RASSF8: variants seen among roughly 807,000 people sequenced by gnomAD.
RASSF8 encodes the protein Ras association domain family member 8.
In RASSF8, 22 loss-of-function variants were observed where a neutral mutation model predicts 48.5. That is an observed-to-expected ratio of 0.45 (90% CI 0.32 to 0.65). RASSF8 has a LOEUF of 0.65. RASSF8 is among the 30% of genes least tolerant of loss of function. The pLI is 0.03. For synonymous variants in RASSF8, 127 were observed against 171.5 expected, an observed-to-expected ratio of 0.74 and a Z score of 2.03; for missense variants, 418 against 489.2, an observed-to-expected ratio of 0.85 and a Z score of 1.37.
intron 2 of RASSF8, among the ~76,000 whole-genome samples, chr12:26,026,662 T>C (rs2137088446): frequency 6.6e-6 from 1 of 152,220 alleles, no homozygotes; most frequent in African/African-American, 2.4e-5. Flanking sequence ...TCTTGAACTC[T>C]TGACCTCAAG....
intron 1 of RASSF8, among the ~76,000 whole-genome samples, chr12:25,989,386 C>T (rs1312010975): frequency 1.3e-5 from 2 of 151,520 alleles, no homozygotes; most frequent in Non-Finnish European, 2.9e-5. Context: ...CTTTCTTTCC[C>T]CCCACCCCCT....
intron 2 of RASSF8, among the ~76,000 whole-genome samples, chr12:25,996,102 A>G (rs922440310): frequency 2.6e-5 from 4 of 152,208 alleles, no homozygotes; most frequent in African/African-American, 9.6e-5. Flanking sequence ...AGACCCTGGT[A>G]TGTTGCTTAC....
chr12:25,978,016 C>G (rs554056371), intron 1 of RASSF8, among the ~76,000 whole-genome samples: 4 of 152,308 alleles, frequency 2.6e-5, no homozygotes, highest in African/African-American at 9.6e-5. Flanking sequence ...CTGCCTGTTG[C>G]TGAGAGGGTC....
intron 2 of RASSF8, among the ~76,000 whole-genome samples, chr12:26,053,153 TAAATG>T (rs1188004305): frequency 6.6e-6 from 1 of 150,984 alleles, no homozygotes; most frequent in African/African-American, 2.4e-5. Flanking sequence ...AAAAATGTGT[TAAATG>T]GATAGATCTT....
intron 3 of RASSF8, among the ~76,000 whole-genome samples, chr12:26,062,465 GAGTCTCAGAACCA>G (rs1166065270): frequency 6.6e-6 from 1 of 152,094 alleles, no homozygotes; most frequent in East Asian, 1.9e-4. Context: ...ATTCTCACTT[GAGTCTCAGAACCA>G]CCTTGTCAGA....
At chr12:25,996,933 A>G (rs552473587) in intron 2 of RASSF8, among the ~76,000 whole-genome samples, 1 of 152,268 alleles carries the variant, frequency 6.6e-6, no homozygotes, top group South Asian at 2.1e-4. Flanking sequence ...AAGTCTCAGT[A>G]TTGCTACACT....
chr12:26,069,533 A>C lies in RASSF8; in HGVS notation c.*715A>C, dbSNP rs1229221286. On this transcript the variant is annotated 3_prime_UTR_variant, in exon 6 of 6. Coordinates refer to ENST00000689635, the MANE Select transcript of RASSF8 (RefSeq NM_001394098.1). ...ATAAGCTAAATTGTATGTATAAAAC[A>C]TTTGCAGTGTTTCAGACACTGTTGA... is the stretch of plus-strand genomic sequence containing the variant. 1 of 985,436 alleles carries C rather than the reference A, an allele frequency of 1.0e-6. No homozygotes were observed. The highest frequency in any genetic ancestry group is 1.2e-6 in the Non-Finnish European group (1 of 829,920). 61.0% of individuals were successfully genotyped at this position (985,436 alleles called of 1,614,324 possible).
intron 2 of RASSF8, among the ~76,000 whole-genome samples, chr12:26,051,692 C>G (rs1282938840): frequency 1.3e-5 from 2 of 152,116 alleles, no homozygotes; most frequent in African/African-American, 2.4e-5. Context: ...TGAGAGAAGT[C>G]TCTATTTCAA....
At chr12:26,054,533 C>T (rs563012089) in intron 2 of RASSF8, among the ~76,000 whole-genome samples, 35 of 152,250 alleles carry the variant, frequency 2.3e-4, no homozygotes, top group East Asian at 1.3e-3. Context: ...CAAAGGAATT[C>T]GTTTCCTTTG....
chr12:26,072,034 A>C lies in RASSF8; in HGVS notation c.*3216A>C. On this transcript the variant is annotated 3_prime_UTR_variant, in exon 6 of 6. Coordinates refer to ENST00000689635, the MANE Select transcript of RASSF8 (RefSeq NM_001394098.1). ...GATAGAACTGTAATGGATTGAGGAA[A>C]TAACACAGAAAAGACAAAAACTTTT... The C allele has an allele frequency of 1.0e-6, 1 of 985,438 alleles. No individual in the cohort carries two copies. Among genetic ancestry groups the C allele is most frequent in the Non-Finnish European group, 1.2e-6 (1 of 829,904 alleles). 61.0% of individuals were successfully genotyped at this position (985,438 alleles called of 1,614,324 possible). A position where few individuals can be genotyped will look rare whatever the true frequency, so the allele number is the denominator to read the frequency against.
chr12:26,057,925 T>A (rs186048176), intron 3 of RASSF8, among the ~76,000 whole-genome samples: 3 of 152,232 alleles, frequency 2.0e-5, no homozygotes, highest in African/African-American at 7.2e-5. Flanking sequence ...ATAAATGTCT[T>A]CTTTTGAGAA....
chr12:26,017,795 T>TCTCTTGG (rs1942687448), intron 2 of RASSF8, among the ~76,000 whole-genome samples: 1 of 152,244 alleles, frequency 6.6e-6, no homozygotes, highest in Non-Finnish European at 1.5e-5. Context: ...TTCCTGTGTC[T>TCTCTTGG]CACTAGTGCC....
intron 2 of RASSF8, among the ~76,000 whole-genome samples, chr12:26,036,933 A>C (rs11048390): frequency 0.066 from 10,085 of 151,964 alleles, 727 homozygotes; most frequent in East Asian, 0.27. Flanking sequence ...TAAAAAAAAA[A>C]CAAAAAACTG....
chr12:25,970,254 C>A (rs1365407934), intron 1 of RASSF8, among the ~76,000 whole-genome samples: 2 of 152,154 alleles, frequency 1.3e-5, no homozygotes, highest in Non-Finnish European at 2.9e-5. Context: ...ATGTCCGGAT[C>A]TGTGCTCCTG....
chr12:26,065,729 T>A (rs538439191), intron 4 of RASSF8, among the ~76,000 whole-genome samples: 5 of 152,162 alleles, frequency 3.3e-5, no homozygotes, highest in Non-Finnish European at 7.4e-5. Context: ...GGCCAGGGAT[T>A]GTTGTGGCTA....
intron 2 of RASSF8, among the ~76,000 whole-genome samples, chr12:26,036,046 A>C (rs972874780): frequency 6.6e-6 from 1 of 151,048 alleles, no homozygotes; most frequent in Non-Finnish European, 1.5e-5. Context: ...GGCAGATACC[A>C]TGACAGCTTC....
rs1041199574 is a variant in RASSF8, at chr12:26,056,041, C to T, written c.103+595C>T. ...CTTTAATAAAACTACAAAAATTAGC[C>T]GGGCGTGGTGGTGCGCACCTGTAAT... On this transcript the variant is annotated intron_variant, in intron 3 of 5. Coordinates refer to ENST00000689635, the MANE Select transcript of RASSF8 (RefSeq NM_001394098.1). 1.2e-4 allele frequency among the ~76,000 whole-genome samples: 19 copies of T among 152,046 alleles called. No homozygotes were observed. In the East Asian group the frequency reaches 1.6e-3, roughly 12 times the overall value.
chr12:26,003,861 A>G (rs1942320587), intron 2 of RASSF8, among the ~76,000 whole-genome samples: 2 of 152,132 alleles, frequency 1.3e-5, no homozygotes, highest in Non-Finnish European at 2.9e-5. Flanking sequence ...TTATAGTAAA[A>G]AATACATTTT....
At chr12:26,032,972 T>A (rs1943060024) in intron 2 of RASSF8, among the ~76,000 whole-genome samples, 1 of 152,218 alleles carries the variant, frequency 6.6e-6, no homozygotes, top group South Asian at 2.1e-4. Context: ...AAGAGCTTCC[T>A]ACCCACAGAG....
Sources: allele counts gnomAD v4.1 joint callset (sites outside exome capture counted in the v4.1 genomes callset), GRCh38; gene constraint gnomAD v4.1.1; transcripts MANE v1.5; gene names NCBI Gene and HGNC (gene_info 2026-07-23, HGNC 2026-07-21).